The following SHROOM4 variants were observed in gnomAD, a reference collection of about 807,000 sequenced individuals.
SHROOM4 encodes shroom family member 4.
In SHROOM4, 17 loss-of-function variants were observed where a neutral mutation model predicts 80.3. The ratio of observed to expected loss-of-function variants is 0.21; its 90% confidence interval spans 0.14 to 0.32. The LOEUF is 0.32. Ranked by LOEUF, SHROOM4 falls within the 10% of genes least tolerant of loss-of-function variation. The pLI is 1.00. For missense variants in SHROOM4, 993 were observed against 1,140.3 expected, an observed-to-expected ratio of 0.87 and a Z score of 1.86; for synonymous variants, 400 against 437.5, an observed-to-expected ratio of 0.91 and a Z score of 1.07.
At chrX:50,682,441 C>T (rs939383271) in intron 2 of SHROOM4, among the ~76,000 whole-genome samples, 1 of 111,543 alleles carries the variant, frequency 9.0e-6, no homozygotes, top group African/African-American at 3.3e-5. Context: ...CAATGAGTAT[C>T]GAGCATGTAA....
chrX:50,676,698 G>A (rs980707141), intron 2 of SHROOM4, among the ~76,000 whole-genome samples: 7 of 110,179 alleles, frequency 6.4e-5, no homozygotes, highest in Admixed American at 2.9e-4. Context: ...CAAAAACTGC[G>A]TTTAAATATT....
intron 2 of SHROOM4, among the ~76,000 whole-genome samples, chrX:50,694,471 T>C (rs190542501): frequency 1.9e-5 from 2 of 107,835 alleles, no homozygotes; most frequent in Admixed American, 1.0e-4. Flanking sequence ...CATTTTTTCA[T>C]ATGCCTGTTG....
rs1931436865 is a variant in SHROOM4, at chrX:50,638,165, T to C, written c.404+9A>G. The C allele has an allele frequency of 2.5e-6, 3 of 1,201,706 alleles. No homozygotes were observed. The highest frequency in any genetic ancestry group is 3.4e-6 in the Non-Finnish European group (3 of 890,912). On this transcript the variant is annotated intron_variant, in intron 3 of 8. Coordinates refer to ENST00000376020, the MANE Select transcript of SHROOM4 (RefSeq NM_020717.5). Reference sequence around the variant, plus strand: ...CCAGCCTGTCTTGAGGGGAGGGCTCTAGACTCACCTTGTGTTGCAGCCAGA... The same window carrying C: ...CCAGCCTGTCTTGAGGGGAGGGCTCCAGACTCACCTTGTGTTGCAGCCAGA...
At chrX:50,723,385 C>T (rs1387604838) in intron 1 of SHROOM4, among the ~76,000 whole-genome samples, 2 of 6,075 alleles carry the variant, frequency 3.3e-4, no homozygotes, top group African/African-American at 4.2e-4. Context: ...AGGGAGGGAG[C>T]AAGGGAGGGA....
At chrX:50,698,575 G>C (rs1210924649) in intron 1 of SHROOM4, among the ~76,000 whole-genome samples, 1 of 110,908 alleles carries the variant, frequency 9.0e-6, no homozygotes, top group Non-Finnish European at 1.9e-5. Context: ...GGTATTTACT[G>C]AGCTGTGCAA....
intron 1 of SHROOM4, among the ~76,000 whole-genome samples, chrX:50,798,538 T>G (rs1173121645): frequency 1.8e-5 from 2 of 111,139 alleles, no homozygotes. Context: ...TGAAGTAAAA[T>G]TTTAAGGTAT....
chrX:50,602,382 G>A (rs1480754027), intron 7 of SHROOM4, among the ~76,000 whole-genome samples: 3 of 111,469 alleles, frequency 2.7e-5, no homozygotes, highest in Non-Finnish European at 3.8e-5. Context: ...GGGAGCCACC[G>A]TGCCCAGCCC....
chrX:50,813,850 G>T, intron 1 of SHROOM4, 52 bp downstream of exon 1: 1 of 985,708 alleles, frequency 1.0e-6, no homozygotes, highest in Non-Finnish European at 1.4e-6. Context: ...CTTCGCACCC[G>T]CTTGTCCATT....
At chrX:50,784,635 T>G (rs1179050792) in intron 1 of SHROOM4, among the ~76,000 whole-genome samples, 18 of 111,974 alleles carry the variant, frequency 1.6e-4, no homozygotes, top group African/African-American at 5.8e-4. Context: ...TAAACCCAAG[T>G]GCAAGAGCTA....
chrX:50,745,570 C>T (rs975804762), intron 1 of SHROOM4, among the ~76,000 whole-genome samples: 5 of 111,767 alleles, frequency 4.5e-5, no homozygotes, highest in African/African-American at 1.6e-4. Flanking sequence ...AGAGTGGGAA[C>T]TGAGCACGGA....
chrX:50,700,212 G>A, intron 1 of SHROOM4, among the ~76,000 whole-genome samples: 1 of 112,031 alleles, frequency 8.9e-6, no homozygotes, highest in Middle Eastern at 4.6e-3. Flanking sequence ...TTGTTTTTTT[G>A]TTTTTGTTTT....
chrX:50,717,362 C>CAT, intron 1 of SHROOM4, among the ~76,000 whole-genome samples: 1 of 111,710 alleles, frequency 9.0e-6, no homozygotes, highest in South Asian at 3.8e-4. Flanking sequence ...GGACTACAGG[C>CAT]GACCGCCACC....
intron 2 of SHROOM4, among the ~76,000 whole-genome samples, chrX:50,647,334 G>T (rs983103037): frequency 4.5e-5 from 5 of 111,624 alleles, no homozygotes; most frequent in African/African-American, 1.6e-4. Flanking sequence ...AATAATGAAA[G>T]AGTTTTTTTC....
intron 1 of SHROOM4, among the ~76,000 whole-genome samples, chrX:50,737,574 T>C (rs1204918728): frequency 9.0e-6 from 1 of 111,287 alleles, no homozygotes; most frequent in Non-Finnish European, 1.9e-5. Context: ...TTAGACAAAA[T>C]GGACTTTATG....
At position 50,633,183 on chromosome X, in the gene SHROOM4, C is replaced by T; in HGVS notation, c.2890G>A (p.Val964Met). 1 of 1,210,417 alleles carries T rather than the reference C, an allele frequency of 8.3e-7. No individual in the cohort carries two copies. The highest frequency in any genetic ancestry group is 1.1e-6 in the Non-Finnish European group (1 of 894,706). ...CCCAAGAACCAAGTCCTCACCTGCA[C>T]TGTCAGCTTCCTGGGTTTCCAAGTG... ...GNTWKPRKLT[V>M]QEFPGDKWNP... The change falls in exon 4 of 9, where the codon GTG becomes ATG. Residue 964 changes from valine to methionine, a missense_variant. By Grantham distance (21) the Val-to-Met change is conservative. Coordinates refer to ENST00000376020, the MANE Select transcript of SHROOM4 (RefSeq NM_020717.5).
Position 50,699,253 on chromosome X carries a change from G to A in SHROOM4, c.118-3316C>T, listed in dbSNP as rs60453958. Among the ~76,000 whole-genome samples the A allele has an allele frequency of 4.8e-3, 538 of 112,173 alleles. 5 individuals carry two copies. Among genetic ancestry groups the A allele is most frequent in the African/African-American group, 0.017 (525 of 30,874 alleles). On this transcript the variant is annotated intron_variant, in intron 1 of 8. Coordinates refer to ENST00000376020, the MANE Select transcript of SHROOM4 (RefSeq NM_020717.5). ...GTAATTGAAAATTGATTACATAGAG[G>A]TCATATAACCAAAAGCCAGGTGGTG...
the SHROOM4 span, among the ~76,000 whole-genome samples, chrX:50,575,588 T>C: frequency 9.0e-6 from 1 of 111,255 alleles, no homozygotes; most frequent in East Asian, 2.8e-4. Flanking sequence ...ATTTCCAGCA[T>C]GATATTAAAT....
At chrX:50,774,441 C>G (rs1292443490) in intron 1 of SHROOM4, among the ~76,000 whole-genome samples, 2 of 111,454 alleles carry the variant, frequency 1.8e-5, no homozygotes, top group Non-Finnish European at 3.8e-5. Context: ...GAACAGTTCC[C>G]TCTATCCCAC....
In SHROOM4 at chrX:50,634,445, G is replaced by A. The variant is rs782245465; in HGVS notation, c.1628C>T (p.Thr543Ile). The A allele has an allele frequency of 8.3e-7, 1 of 1,211,699 alleles. No individual in the cohort carries two copies. The highest frequency in any genetic ancestry group is 1.1e-6 in the Non-Finnish European group (1 of 895,516). ...CTCTGTGCCACTAGCTGCTTTAGTG[G>A]TTGAAGAACAGTCCGTGGCTTGTTG... ...LVQQATDCSS[T>I]TKAASGTEAG... Residue 543 changes from threonine (T) to isoleucine (I), a missense_variant, in exon 4 of 9, where the codon ACC (threonine) becomes ATC (isoleucine). Thr to Ile is a moderately conservative substitution (Grantham distance 89, BLOSUM62 -1). Transcript: ENST00000376020.
Sources: gnomAD v4.1 joint callset for allele counts (sites outside exome capture counted in the v4.1 genomes callset) on GRCh38, gnomAD v4.1.1 for gene constraint, MANE v1.5 for transcripts, NCBI Gene and HGNC (gene_info 2026-07-23, HGNC 2026-07-21) for gene names.